CAMTA1: variants seen among roughly 807,000 people sequenced by gnomAD.
CAMTA1 encodes calmodulin-binding transcription activator 1.
In CAMTA1, 27 loss-of-function variants were observed where a neutral mutation model predicts 170.9. The ratio of observed to expected loss-of-function variants is 0.16; its 90% CI spans 0.12 to 0.22. The LOEUF (loss-of-function observed/expected upper bound fraction) is 0.22. Among genes scored for constraint, CAMTA1 ranks in the 10% least tolerant of loss-of-function variants. The probability of loss-of-function intolerance (pLI) is 1.00; values close to 1 mark genes in which losing one functional copy is unlikely to be tolerated. For missense variants in CAMTA1, 1,619 were observed against 2,217.2 expected, an observed-to-expected ratio of 0.73 and a Z score of 5.42; for synonymous variants, 833 against 891.5, an observed-to-expected ratio of 0.93 and a Z score of 1.17.
In CAMTA1 at chr1:7,534,392, G is replaced by C. The variant is rs1343683242; in HGVS notation, c.510+66491G>C. Among the ~76,000 whole-genome samples the C allele has an allele frequency of 6.6e-6, 1 of 152,230 alleles. No homozygotes were observed. Among genetic ancestry groups the C allele is most frequent in the African/African-American group, 2.4e-5 (1 of 41,470 alleles). Reference sequence around the variant, plus strand: ...GACACCCCGGGGCCACACGGGGAGAGCTTGCTGCAGACCCGGGGAGGAGAA... The same window carrying C: ...GACACCCCGGGGCCACACGGGGAGACCTTGCTGCAGACCCGGGGAGGAGAA... On this transcript the variant is annotated intron_variant, in intron 6 of 22. Transcript: ENST00000303635. The surrounding 1 kb of genome is among the most constrained non-coding windows in gnomAD (Gnocchi z 5.6).
At chr1:7,001,550 A>G (rs1207253744) in intron 3 of CAMTA1, among the ~76,000 whole-genome samples, 3 of 152,236 alleles carry the variant, frequency 2.0e-5, no homozygotes, top group African/African-American at 7.2e-5. Flanking sequence ...CCATGAATTC[A>G]TCTCATCCAT....
At chr1:7,606,008 C>T (rs2150618322) in intron 6 of CAMTA1, among the ~76,000 whole-genome samples, 1 of 152,302 alleles carries the variant, frequency 6.6e-6, no homozygotes, top group East Asian at 1.9e-4. Context: ...CTCGGGGGAG[C>T]TTGTAGAAGG....
intron 4 of CAMTA1, among the ~76,000 whole-genome samples, chr1:7,138,329 C>T (rs1192516331): frequency 2.6e-5 from 4 of 152,098 alleles, no homozygotes; most frequent in African/African-American, 7.2e-5. Flanking sequence ...CTCATATCCT[C>T]GATTAGTGAC....
chr1:7,050,002 G>A lies in CAMTA1; in HGVS notation c.235-41302G>A, dbSNP rs887269808. Among the ~76,000 whole-genome samples, 2 of 152,196 alleles carry A rather than the reference G, an allele frequency of 1.3e-5. No homozygotes were observed. The highest frequency in any genetic ancestry group is 2.9e-5 in the Non-Finnish European group (2 of 68,030). Reference sequence around the variant, plus strand: ...AGTGAAGGAGGGAATGGGGTCCAGCGGGGGAAGGGAATCCCAGGGACATCT... The same window carrying A: ...AGTGAAGGAGGGAATGGGGTCCAGCAGGGGAAGGGAATCCCAGGGACATCT... On this transcript the variant is annotated intron_variant, in intron 3 of 22. Coordinates refer to ENST00000303635, the MANE Select transcript of CAMTA1 (RefSeq NM_015215.4). The surrounding 1 kb of genome is among the most constrained non-coding windows in gnomAD (Gnocchi z 4.8).
At position 7,762,934 on chromosome 1, in the gene CAMTA1, T is replaced by C. The variant is rs530260651; in HGVS notation, c.4990-3525T>C. On this transcript the variant is annotated intron_variant, in intron 22 of 22. Transcript: ENST00000303635. ...ATACCATGGAAATTTTCCAAATGCA[T>C]GTTTCTTATAAAGTCTTTTAGAAAA... 5.3e-5 allele frequency among the ~76,000 whole-genome samples: 8 copies of C among 152,360 alleles called. No homozygotes were observed. In the East Asian group the frequency reaches 1.5e-3, roughly 29 times the overall value.
chr1:7,136,599 C>T (rs4908600), intron 4 of CAMTA1, among the ~76,000 whole-genome samples: 31,930 of 151,994 alleles, frequency 0.21, 3,718 homozygotes, highest in Non-Finnish European at 0.26. Context: ...CTTAGATGTA[C>T]CACATTGTCT....
At chr1:7,706,085 C>T (rs1263570686) in intron 11 of CAMTA1, among the ~76,000 whole-genome samples, 1 of 152,232 alleles carries the variant, frequency 6.6e-6, no homozygotes, top group Non-Finnish European at 1.5e-5. Flanking sequence ...GAATAGATTT[C>T]TGAAATGATG....
chr1:7,192,775 G>A (rs1048242115), intron 4 of CAMTA1, among the ~76,000 whole-genome samples: 1 of 152,198 alleles, frequency 6.6e-6, no homozygotes, highest in African/African-American at 2.4e-5. Context: ...GTTACATTGT[G>A]AGTCAATGAC....
At chr1:6,926,472 CTTTCTT>C (rs1553188066) in intron 3 of CAMTA1, among the ~76,000 whole-genome samples, 1 of 137,998 alleles carries the variant, frequency 7.2e-6, no homozygotes, top group Non-Finnish European at 1.5e-5. Flanking sequence ...TTCTTTCTTT[CTTTCTT>C]TCTTTCTTTC....
chr1:7,190,517 A>C (rs988153592), intron 4 of CAMTA1, among the ~76,000 whole-genome samples: 4 of 152,260 alleles, frequency 2.6e-5, no homozygotes, highest in African/African-American at 9.6e-5. Context: ...CTGGAAAAAT[A>C]GGCAGAGTTA....
chr1:7,504,367 C>G (rs1465528926), intron 6 of CAMTA1, among the ~76,000 whole-genome samples: 1 of 152,246 alleles, frequency 6.6e-6, no homozygotes, highest in Non-Finnish European at 1.5e-5. Context: ...CTGTCCTGCC[C>G]CCTTGCTGCC....
rs1385439476 is a variant in CAMTA1, at chr1:7,682,570, GC to G, written c.2914+4839del. Among the ~76,000 whole-genome samples the G allele has an allele frequency of 1.3e-5, 2 of 152,220 alleles. No homozygotes were observed. On this transcript the variant is annotated intron_variant, in intron 11 of 22. Coordinates refer to ENST00000303635, the MANE Select transcript of CAMTA1 (RefSeq NM_015215.4). This position sits in a 1 kb window ranked among gnomAD's most constrained non-coding sequence, Gnocchi z 5.0. ...CTGGCATGTGGCTGTGGTCCTGCTGGCCTTTCCTTGTGGGCTGATTCTAGTA... is the reference window on the plus strand; with the variant it reads ...CTGGCATGTGGCTGTGGTCCTGCTGGCTTTCCTTGTGGGCTGATTCTAGTA...
chr1:7,711,837 G>GC (rs2096573173), intron 11 of CAMTA1, among the ~76,000 whole-genome samples: 1 of 152,210 alleles, frequency 6.6e-6, no homozygotes, highest in Non-Finnish European at 1.5e-5. Context: ...GCCTAAAACT[G>GC]ATGATTCTGA....
chr1:7,344,913 AT>A (rs34661041), intron 5 of CAMTA1, among the ~76,000 whole-genome samples: 100,578 of 151,242 alleles, frequency 0.67, 33,615 homozygotes, highest in East Asian at 0.81. Context: ...TGCCCGCCTA[AT>A]TTTTTTTGTA....
At chr1:7,335,922 C>T (rs1574761810) in intron 5 of CAMTA1, among the ~76,000 whole-genome samples, 1 of 152,158 alleles carries the variant, frequency 6.6e-6, no homozygotes, top group Non-Finnish European at 1.5e-5. Flanking sequence ...TTGGGTGTCT[C>T]AGAGGCATAA....
At chr1:7,563,719 T>C (rs956433996) in intron 6 of CAMTA1, among the ~76,000 whole-genome samples, 1 of 152,196 alleles carries the variant, frequency 6.6e-6, no homozygotes. Context: ...TTTATGCCCA[T>C]TGGGGAAACT....
chr1:7,503,798 C>T (rs1259375863), intron 6 of CAMTA1, among the ~76,000 whole-genome samples: 6 of 152,208 alleles, frequency 3.9e-5, no homozygotes, highest in Non-Finnish European at 8.8e-5. Flanking sequence ...GTGATGCCCA[C>T]TCGGATGCTG....
At chr1:7,733,991 C>T (rs1015348383) in intron 12 of CAMTA1, among the ~76,000 whole-genome samples, 2 of 152,112 alleles carry the variant, frequency 1.3e-5, no homozygotes, top group African/African-American at 4.8e-5. Flanking sequence ...CTCTGTCGCC[C>T]AGGTGCAGTG....
At chr1:7,499,496 G>T (rs2093933765) in intron 6 of CAMTA1, among the ~76,000 whole-genome samples, 1 of 139,386 alleles carries the variant, frequency 7.2e-6, no homozygotes, top group Non-Finnish European at 1.5e-5. Flanking sequence ...AGAGAGGATT[G>T]TGTGAGCCTG....
Sources: gnomAD v4.1 joint callset for allele counts (sites outside exome capture counted in the v4.1 genomes callset) on GRCh38, gnomAD v4.1.1 for gene constraint, Gnocchi (gnomAD v3.1) non-coding constraint, MANE v1.5 for transcripts, NCBI Gene and HGNC (gene_info 2026-07-23, HGNC 2026-07-21) for gene names.